Variants in WWOX observed in about 807,000 individuals in gnomAD.
The protein encoded by WWOX is WW domain containing oxidoreductase, also known as WW domain-containing oxidoreductase.
WWOX carries 69 observed loss-of-function variants against 46.2 expected under a neutral mutation model. The observed-to-expected ratio is 1.49, with a 90% CI of 1.23 to 1.82. WWOX has a LOEUF of 1.82. WWOX is among the 40% of genes most tolerant of loss of function. The pLI is 0.00. For synonymous variants in WWOX, 359 were observed against 202.6 expected (o/e 1.77, Z -6.56); for missense variants, 919 against 542.6 (o/e 1.69, Z -6.89).
chr16:78,318,396 G>A (rs765637621), intron 5 of WWOX, among the ~76,000 whole-genome samples: 5 of 151,642 alleles, frequency 3.3e-5, no homozygotes, highest in Admixed American at 2.6e-4. Flanking sequence ...CCGAGATTGC[G>A]TCACTGCACT....
intron 8 of WWOX, among the ~76,000 whole-genome samples, chr16:78,933,599 G>A (rs1014985777): frequency 1.3e-5 from 2 of 152,166 alleles, no homozygotes; most frequent in Non-Finnish European, 2.9e-5. Context: ...AGACATACCC[G>A]AGACTGGGCA....
At chr16:78,721,183 A>G (rs890896699) in intron 8 of WWOX, among the ~76,000 whole-genome samples, 3 of 152,178 alleles carry the variant, frequency 2.0e-5, no homozygotes, top group African/African-American at 4.8e-5. Flanking sequence ...AGTGCCATAA[A>G]TATATTATAG....
rs539560646 is a variant in WWOX at position 78,829,483 on chromosome 16, GAC to G, written c.1057-382118_1057-382117del. ...AGTCTCATGTAGAATCACCCTCACA[GAC>G]ACACACTCAGAAATAATGGTTAGTC... is the stretch of plus-strand genomic sequence containing the variant. On this transcript the variant is annotated intron_variant, in intron 8 of 8. Transcript: ENST00000566780. 1.2e-4 allele frequency among the ~76,000 whole-genome samples: 19 copies of G among 152,256 alleles called. 1 individual carries two copies. In the South Asian group the frequency reaches 3.9e-3, roughly 32 times the overall value.
intron 8 of WWOX, among the ~76,000 whole-genome samples, chr16:78,527,126 G>A (rs1176737034): frequency 1.3e-5 from 2 of 152,168 alleles, no homozygotes; most frequent in Non-Finnish European, 1.5e-5. Context: ...TCATGCCATT[G>A]CACTCCAGCC....
intron 8 of WWOX, among the ~76,000 whole-genome samples, chr16:79,172,558 C>G (rs951309379): frequency 5.3e-5 from 8 of 152,176 alleles, no homozygotes; most frequent in African/African-American, 1.7e-4. Context: ...TCCAGCATGT[C>G]TACTCTGGGA....
At chr16:79,149,405 T>C (rs929038855) in intron 8 of WWOX, among the ~76,000 whole-genome samples, 5 of 152,236 alleles carry the variant, frequency 3.3e-5, no homozygotes, top group Non-Finnish European at 5.9e-5. Context: ...ATATATGTTT[T>C]TTTATACATT....
chr16:78,159,156 T>C (rs538243112), intron 4 of WWOX, among the ~76,000 whole-genome samples: 51 of 150,918 alleles, frequency 3.4e-4, no homozygotes, highest in African/African-American at 1.1e-3. Context: ...TGTTTGTGTG[T>C]GTGTGTGTTT....
At chr16:78,779,729 C>G (rs2050278591) in intron 8 of WWOX, among the ~76,000 whole-genome samples, 2 of 152,176 alleles carry the variant, frequency 1.3e-5, no homozygotes, top group Non-Finnish European at 2.9e-5. Context: ...TTCTCCTAAC[C>G]AGGATGTGAG....
intron 8 of WWOX, among the ~76,000 whole-genome samples, chr16:78,720,506 A>G (rs957605982): frequency 5.3e-5 from 8 of 151,666 alleles, no homozygotes; most frequent in Non-Finnish European, 1.0e-4. Flanking sequence ...CTTCTGGAAA[A>G]AATCCTTAGG....
chr16:79,176,941 C>T (rs918049218), intron 8 of WWOX, among the ~76,000 whole-genome samples: 7 of 152,168 alleles, frequency 4.6e-5, no homozygotes, highest in African/African-American at 1.7e-4. Flanking sequence ...CTTTCCCTCT[C>T]ATCAGTTTCC....
chr16:78,710,780 A>G (rs1323114736), intron 8 of WWOX, among the ~76,000 whole-genome samples: 2 of 150,734 alleles, frequency 1.3e-5, no homozygotes, highest in Non-Finnish European at 2.9e-5. Context: ...GTGCCCAGCT[A>G]ATTGTTTAAT....
intron 8 of WWOX, chr16:78,551,032 T>C (rs1301270917): frequency 6.6e-6 from 1 of 152,184 alleles, no homozygotes; most frequent in Admixed American, 6.5e-5. Flanking sequence ...ATACCTAATA[T>C]ATTCCATGAA....
intron 8 of WWOX, among the ~76,000 whole-genome samples, chr16:78,613,810 C>G (rs182132751): frequency 6.0e-4 from 92 of 152,238 alleles, no homozygotes; most frequent in African/African-American, 2.2e-3. Flanking sequence ...TTTCAGAATT[C>G]AGAAGTTTTC....
intron 8 of WWOX, among the ~76,000 whole-genome samples, chr16:79,097,486 T>A (rs2049100416): frequency 6.6e-6 from 1 of 152,106 alleles, no homozygotes; most frequent in Admixed American, 6.5e-5. Context: ...AAAATCCATA[T>A]TTTGTTCGCA....
intron 5 of WWOX, among the ~76,000 whole-genome samples, chr16:78,277,088 GA>G (rs745360495): frequency 9.2e-5 from 14 of 152,132 alleles, no homozygotes; most frequent in Non-Finnish European, 1.9e-4. Context: ...TGAAGTTTTG[GA>G]TACATTCTCT....
chr16:78,909,631 C>G (rs1047628637), intron 8 of WWOX, among the ~76,000 whole-genome samples: 1 of 152,150 alleles, frequency 6.6e-6, no homozygotes, highest in Non-Finnish European at 1.5e-5. Context: ...ATGAAAGTTC[C>G]CTTTCAGAAA....
At chr16:78,808,860 A>T (rs904554607) in intron 8 of WWOX, among the ~76,000 whole-genome samples, 1 of 152,146 alleles carries the variant, frequency 6.6e-6, no homozygotes, top group Non-Finnish European at 1.5e-5. Context: ...CCCTCATTTG[A>T]ACACACAAAA....
chr16:78,625,225 G>T (rs905217038), intron 8 of WWOX, among the ~76,000 whole-genome samples: 10 of 152,116 alleles, frequency 6.6e-5, no homozygotes, highest in Admixed American at 3.3e-4. Context: ...TTAGGCTGGG[G>T]TCACCGGGGT....
At chr16:78,754,090 A>G (rs1386500985) in intron 8 of WWOX, among the ~76,000 whole-genome samples, 3 of 151,778 alleles carry the variant, frequency 2.0e-5, no homozygotes, top group Non-Finnish European at 4.4e-5. Flanking sequence ...ATTGCTAAGT[A>G]TTATTAGATT....
Sources: gnomAD v4.1 joint callset for allele counts (sites outside exome capture counted in the v4.1 genomes callset) on GRCh38, gnomAD v4.1.1 for gene constraint, MANE v1.5 for transcripts, NCBI Gene and HGNC (gene_info 2026-07-23, HGNC 2026-07-21) for gene names.